The following BRWD1 variants were observed in gnomAD, a reference collection of about 807,000 sequenced individuals.
BRWD1 encodes the protein bromodomain and WD repeat-containing protein 1.
BRWD1 carries 82 observed loss-of-function variants against 251.2 expected under a neutral mutation model. The ratio of observed to expected loss-of-function variants is 0.33; its 90% confidence interval spans 0.27 to 0.39. BRWD1 has a LOEUF of 0.39. Ranked by LOEUF, BRWD1 falls within the 10% of genes least tolerant of loss-of-function variation. The pLI is 1.00. For synonymous variants in BRWD1, 918 were observed against 902.8 expected (o/e 1.02, Z -0.30); for missense variants, 2,233 against 2,711.6 (o/e 0.82, Z 3.92).
chr21:39,278,830 T>C lies in BRWD1; in HGVS notation c.933-17A>G, dbSNP rs1390074060. Reference sequence around the variant, plus strand: ...GGACGTGGGCTTTAAAAGAAGAAGATGCTGCTTTAAAATAGATTATTTTAC... The same window carrying C: ...GGACGTGGGCTTTAAAAGAAGAAGACGCTGCTTTAAAATAGATTATTTTAC... On this transcript the variant is annotated splice_polypyrimidine_tract_variant and intron_variant, in intron 9 of 40. Transcript: ENST00000342449. 4.5e-6 allele frequency: 7 copies of C among 1,564,728 alleles called. No individual in the cohort carries two copies. The highest frequency in any genetic ancestry group is 4.0e-5 in the Admixed American group (2 of 50,628).
At chr21:39,247,973 T>C in intron 20 of BRWD1, 141 bp from the exon 21 acceptor site, 4 of 1,035,026 alleles carry the variant, frequency 3.9e-6, no homozygotes, top group Admixed American at 7.3e-5. Context: ...ATTTTTGCCA[T>C]ACAGTTTTAA....
intron 4 of BRWD1, among the ~76,000 whole-genome samples, chr21:39,299,167 G>A (rs2036037652): frequency 6.6e-6 from 1 of 151,946 alleles, no homozygotes; most frequent in South Asian, 2.1e-4. Flanking sequence ...AGGTTGCAGT[G>A]AGCTGGGATC....
chr21:39,268,976 A>T (rs1042204621), intron 15 of BRWD1, among the ~76,000 whole-genome samples: 1 of 152,192 alleles, frequency 6.6e-6, no homozygotes, highest in Non-Finnish European at 1.5e-5. Flanking sequence ...CGACAGAGCG[A>T]GACTCTGTCT....
At chr21:39,229,232 G>T in intron 26 of BRWD1, 80 bp downstream of exon 26, 1 of 1,260,234 alleles carries the variant, frequency 7.9e-7, no homozygotes, top group South Asian at 1.3e-5. Context: ...GGAGTTAAAT[G>T]GGAAGGGCAT....
chr21:39,288,303 T>C (rs1326007248), intron 8 of BRWD1, among the ~76,000 whole-genome samples: 1 of 152,192 alleles, frequency 6.6e-6, no homozygotes. Flanking sequence ...CATTATACCA[T>C]TTTCTCAATA....
At chr21:39,252,248 T>C in intron 19 of BRWD1, among the ~76,000 whole-genome samples, 1 of 61,694 alleles carries the variant, frequency 1.6e-5, no homozygotes, top group East Asian at 4.2e-4. Context: ...GAACTCCGTC[T>C]CAAAAAAAAA....
Position 39,196,796 on chromosome 21 carries a change from A to G in BRWD1, c.6273T>C (p.Tyr2091=), listed in dbSNP as rs369252994. 37 of 1,613,198 alleles carry G rather than the reference A, an allele frequency of 2.3e-5. No individual in the cohort carries two copies. Among genetic ancestry groups the G allele is most frequent in the Non-Finnish European group, 2.9e-5 (34 of 1,179,908 alleles). ...TTCTGCCATTCCACCTGCGCAGCCC[A>G]TAATTCAGTTCCACTTCAAAATTAT... ...AENNFEVELN[Y]GLRRWNGRRL... Residue 2091 remains tyrosine (Y), a synonymous_variant, in exon 41 of 41, where the codon TAT becomes TAC. Transcript: ENST00000342449.
At chr21:39,238,207 G>T (rs1250971807) in intron 22 of BRWD1, among the ~76,000 whole-genome samples, 4 of 148,556 alleles carry the variant, frequency 2.7e-5, no homozygotes, top group Admixed American at 2.0e-4. Flanking sequence ...TTAGATACTA[G>T]TCTTTTTAAG....
At chr21:39,312,974 C>CAGG in intron 3 of BRWD1, 74 bp from the exon 4 acceptor site, 1 of 408,562 alleles carries the variant, frequency 2.4e-6, no homozygotes, top group Non-Finnish European at 3.2e-6. Flanking sequence ...GGGCCGGGGG[C>CAGG]GGGCGGCGGG....
intron 8 of BRWD1, among the ~76,000 whole-genome samples, chr21:39,282,761 C>T (rs1353586073): frequency 6.6e-6 from 1 of 151,958 alleles, no homozygotes; most frequent in Admixed American, 6.6e-5. Flanking sequence ...AGTTCAAGAC[C>T]AGCCTGATCA....
chr21:39,301,997 T>C (rs1331782911), intron 4 of BRWD1, among the ~76,000 whole-genome samples: 1 of 144,906 alleles, frequency 6.9e-6, no homozygotes, highest in Non-Finnish European at 1.5e-5. Flanking sequence ...TTTTTTTTTT[T>C]TTTTTGAGAC....
chr21:39,236,836 T>A, intron 22 of BRWD1, 52 bp from the exon 23 acceptor site: 2 of 1,465,700 alleles, frequency 1.4e-6, no homozygotes, highest in Non-Finnish European at 1.9e-6. Flanking sequence ...TAAGCACTGA[T>A]AGCAAGTCAA....
At chr21:39,254,901 A>G (rs1325881335) in intron 19 of BRWD1, among the ~76,000 whole-genome samples, 1 of 152,210 alleles carries the variant, frequency 6.6e-6, no homozygotes, top group Non-Finnish European at 1.5e-5. Flanking sequence ...CACCTGAAAC[A>G]ACTGGAAATT....
At chr21:39,289,790 C>T (rs941914218) in intron 8 of BRWD1, among the ~76,000 whole-genome samples, 2 of 151,768 alleles carry the variant, frequency 1.3e-5, no homozygotes, top group South Asian at 2.1e-4. Context: ...TTTGCGAGGC[C>T]GAGGCGGGCG....
intron 4 of BRWD1, chr21:39,312,555 C>T (rs1395588782): frequency 3.1e-6 from 1 of 319,742 alleles, no homozygotes; most frequent in East Asian, 6.6e-5. Flanking sequence ...CGCCACACCC[C>T]CGCAGAGGCG....
chr21:39,200,080 C>T lies in BRWD1; in HGVS notation c.4753+139G>A, dbSNP rs766043939. 1.0e-5 allele frequency: 9 copies of T among 872,414 alleles called. No homozygotes were observed. The South Asian group carries it at 1.7e-4, about 16-fold the overall frequency. The allele number at this position is 872,414 out of a possible 1,614,324, so 54.0% of individuals were successfully genotyped here. A position where few individuals can be genotyped will look rare whatever the true frequency, so the allele number is the denominator to read the frequency against. On this transcript the variant is annotated intron_variant, in intron 39 of 40. Coordinates refer to ENST00000342449, the MANE Select transcript of BRWD1 (RefSeq NM_033656.4). ...TTCTTCACTTTTTAATGCCAAAATT[C>T]ATTTCCTTCCTAAATCTAAGGAACC...
Position 39,196,691 on chromosome 21 carries a change from T to C in BRWD1, c.6378A>G (p.Val2126=), listed in dbSNP as rs139419183. The change falls in exon 41 of 41, where the codon GTA becomes GTG. Residue 2126 remains valine (V), a synonymous_variant. Transcript: ENST00000342449. ...ATTCAGGATGCGATCTCTTCCTTTTTACTTCCTTCTCTGCTGTTTCCTGTG... is the reference window on the plus strand; with the variant it reads ...ATTCAGGATGCGATCTCTTCCTTTTCACTTCCTTCTCTGCTGTTTCCTGTG... ...HDSQETAEKE[V]KRKRSHPELE... The C allele has an allele frequency of 5.6e-6, 9 of 1,613,896 alleles. No individual in the cohort carries two copies. Among genetic ancestry groups the C allele is most frequent in the African/African-American group, 1.3e-5 (1 of 74,924 alleles).
chr21:39,306,758 C>T (rs2036301145), intron 4 of BRWD1, among the ~76,000 whole-genome samples: 2 of 152,162 alleles, frequency 1.3e-5, no homozygotes, highest in Admixed American at 1.3e-4. Flanking sequence ...TGCAAGTAGT[C>T]ATTTTTCTTA....
At chr21:39,236,562 T>C (rs781197194) in intron 23 of BRWD1, 33 bp downstream of exon 23, 16 of 1,491,166 alleles carry the variant, frequency 1.1e-5, no homozygotes, top group Non-Finnish European at 1.4e-5. Flanking sequence ...GGTATCATGA[T>C]ACATGCTATT....
Sources: allele counts gnomAD v4.1 joint callset (sites outside exome capture counted in the v4.1 genomes callset), GRCh38; gene constraint gnomAD v4.1.1; transcripts MANE v1.5; gene names NCBI Gene and HGNC (gene_info 2026-07-23, HGNC 2026-07-21).